Variants in NRXN1 observed in about 807,000 individuals in gnomAD.
The protein encoded by NRXN1 is neurexin-1.
In NRXN1, 39 loss-of-function variants were observed where a neutral mutation model predicts 150.9. That is an observed-to-expected ratio of 0.26 (90% CI 0.20 to 0.34). The LOEUF (loss-of-function observed/expected upper bound fraction) is 0.34, where lower values mean the gene tolerates loss of function less well. Among genes scored for constraint, NRXN1 ranks in the 10% least tolerant of loss-of-function variants. The pLI, the probability that NRXN1 is intolerant of heterozygous loss-of-function variation, is 1.00. For synonymous variants in NRXN1, 924 were observed against 757.0 expected, an observed-to-expected ratio of 1.22 and a Z score of -3.62; for missense variants, 1,815 against 1,949.9, an observed-to-expected ratio of 0.93 and a Z score of 1.30.
chr2:50,784,664 T>C (rs1194960522), intron 5 of NRXN1, among the ~76,000 whole-genome samples: 2 of 152,054 alleles, frequency 1.3e-5, no homozygotes, highest in East Asian at 1.9e-4. Flanking sequence ...AAAGGCTTTA[T>C]GGCTAAGTGT....
At chr2:50,588,978 C>T (rs868150051) in intron 8 of NRXN1, 3 of 152,076 alleles carry the variant, frequency 2.0e-5, no homozygotes, top group South Asian at 2.1e-4. Flanking sequence ...CCCATATACC[C>T]GAATGGTTCT....
chr2:50,568,532 A>T (rs1183132951), intron 8 of NRXN1, among the ~76,000 whole-genome samples: 4 of 152,202 alleles, frequency 2.6e-5, no homozygotes, highest in Non-Finnish European at 5.9e-5. Flanking sequence ...AAAGAGGTAT[A>T]TGACAAGCTG....
intron 17 of NRXN1, among the ~76,000 whole-genome samples, chr2:50,253,182 G>T (rs1482589719): frequency 1.3e-5 from 2 of 152,026 alleles, no homozygotes; most frequent in Non-Finnish European, 2.9e-5. Flanking sequence ...AATTGTGAAT[G>T]GGAGTTCATT....
At chr2:50,612,559 A>T (rs1025365875) in intron 8 of NRXN1, among the ~76,000 whole-genome samples, 4 of 152,196 alleles carry the variant, frequency 2.6e-5, no homozygotes, top group Non-Finnish European at 5.9e-5. Flanking sequence ...ATGAGAAATA[A>T]AAAATGCTTA....
intron 8 of NRXN1, among the ~76,000 whole-genome samples, chr2:50,572,028 G>A (rs1008886911): frequency 2.0e-5 from 3 of 152,150 alleles, no homozygotes; most frequent in Non-Finnish European, 4.4e-5. Context: ...AATTGCAGAA[G>A]GGAGTTATAT....
intron 22 of NRXN1, among the ~76,000 whole-genome samples, chr2:49,933,308 G>A (rs548803790): frequency 1.1e-4 from 17 of 151,954 alleles, no homozygotes; most frequent in Non-Finnish European, 2.2e-4. Context: ...GGATGGTCTC[G>A]ATCTCCTGAT....
intron 18 of NRXN1, among the ~76,000 whole-genome samples, chr2:50,230,199 TG>T (rs2064808218): frequency 6.6e-6 from 1 of 152,052 alleles, no homozygotes; most frequent in African/African-American, 2.4e-5. Flanking sequence ...TTGAAAAAAC[TG>T]TTCAATGACT....
chr2:50,064,390 G>T (rs1695029651), intron 19 of NRXN1, among the ~76,000 whole-genome samples: 1 of 151,038 alleles, frequency 6.6e-6, no homozygotes, highest in African/African-American at 2.4e-5. Context: ...CTCTACTGTG[G>T]TGCATACACA....
intron 2 of NRXN1, among the ~76,000 whole-genome samples, chr2:51,008,802 G>A (rs1277657751): frequency 3.3e-5 from 5 of 151,630 alleles, no homozygotes; most frequent in Middle Eastern, 3.4e-3. Context: ...TATAAAACTT[G>A]TAGTCATATA....
chr2:49,952,692 C>T (rs1451862308), intron 21 of NRXN1, among the ~76,000 whole-genome samples: 1 of 152,050 alleles, frequency 6.6e-6, no homozygotes, highest in Non-Finnish European at 1.5e-5. Flanking sequence ...GCAGGCTATG[C>T]TGGCTACAAA....
chr2:50,128,981 CT>C (rs1452350341), intron 18 of NRXN1, among the ~76,000 whole-genome samples: 2 of 115,942 alleles, frequency 1.7e-5, no homozygotes, highest in African/African-American at 7.7e-5. Flanking sequence ...GAGACTCCAT[CT>C]CAATAAATAA....
chr2:50,832,677 C>CAA (rs890253793), intron 5 of NRXN1, among the ~76,000 whole-genome samples: 3 of 151,966 alleles, frequency 2.0e-5, no homozygotes, highest in African/African-American at 7.3e-5. Flanking sequence ...AACAAACAAA[C>CAA]AAACAAAAAG....
At position 50,796,062 on chromosome 2, in the gene NRXN1, C is replaced by T. The variant is rs151165298; in HGVS notation, c.832+125807G>A. Among the ~76,000 whole-genome samples, 599 of 152,178 alleles carry T rather than the reference C, an allele frequency of 3.9e-3. 4 individuals are homozygous for T. The highest frequency in any genetic ancestry group is 0.014 in the African/African-American group (569 of 41,542). On this transcript the variant is annotated intron_variant, in intron 5 of 22. Coordinates refer to ENST00000401669, the MANE Select transcript of NRXN1 (RefSeq NM_001330078.2). ...CCAAATCACAATGCTGCTTTAGTTT[C>T]CTCAGTAGCTGCTGATATTATCCTA...
Position 51,027,755 on chromosome 2 carries a change from C to T in NRXN1, c.519G>A (p.Ser173=), listed in dbSNP as rs1220375659. The change falls in exon 2 of 23, where the codon TCG becomes TCA. Residue 173 remains serine, a synonymous_variant. Coordinates refer to ENST00000401669, the MANE Select transcript of NRXN1 (RefSeq NM_001330078.2). ...RAAALKLTLA[S]VREREPFKGW... The stretch of plus-strand genomic sequence containing the variant: ...CCTTGAAGGGCTCCCGCTCCCTCAC[C>T]GAGGCCAGGGTGAGCTTGAGCGCCG... 1 of 1,612,100 alleles carries T rather than the reference C, an allele frequency of 6.2e-7. No individual in the cohort carries two copies. Among genetic ancestry groups the T allele is most frequent in the Non-Finnish European group, 8.5e-7 (1 of 1,179,178 alleles).
chr2:50,387,628 G>C, intron 17 of NRXN1, among the ~76,000 whole-genome samples: 1 of 152,130 alleles, frequency 6.6e-6, no homozygotes. Flanking sequence ...AATTCAGTTA[G>C]TTGTGCTAAA....
intron 21 of NRXN1, among the ~76,000 whole-genome samples, chr2:49,966,186 C>G (rs1676933610): frequency 6.6e-6 from 1 of 152,140 alleles, no homozygotes; most frequent in South Asian, 2.1e-4. Context: ...GCCCCCATAC[C>G]TTCGTTTTCA....
At chr2:49,940,672 T>C (rs1671826204) in intron 22 of NRXN1, among the ~76,000 whole-genome samples, 2 of 152,076 alleles carry the variant, frequency 1.3e-5, no homozygotes, top group Admixed American at 1.3e-4. Context: ...ATCACATAAA[T>C]AAAACCAATT....
chr2:49,957,919 C>T lies in NRXN1; in HGVS notation c.4129-14128G>A, dbSNP rs541017761. On this transcript the variant is annotated intron_variant, in intron 21 of 22. Coordinates refer to ENST00000401669, the MANE Select transcript of NRXN1 (RefSeq NM_001330078.2). ...TTGGGTATGGGGCAGATAAAAATAA[C>T]AGCGGGAATAATTTACTACTTTTCC... Among the ~76,000 whole-genome samples, 7 of 152,280 alleles carry T rather than the reference C, an allele frequency of 4.6e-5. 1 individual carries two copies. Among genetic ancestry groups the T allele is most frequent in the African/African-American group, 1.4e-4 (6 of 41,572 alleles).
chr2:50,473,685 G>A (rs1326396245), intron 15 of NRXN1, among the ~76,000 whole-genome samples: 1 of 151,942 alleles, frequency 6.6e-6, no homozygotes, highest in Non-Finnish European at 1.5e-5. Context: ...CAATCTTACT[G>A]TTCACCTGGG....
Sources: gnomAD v4.1 joint callset for allele counts (sites outside exome capture counted in the v4.1 genomes callset) on GRCh38, gnomAD v4.1.1 for gene constraint, MANE v1.5 for transcripts, NCBI Gene and HGNC (gene_info 2026-07-23, HGNC 2026-07-21) for gene names.